GARRE1: variants seen among roughly 807,000 people sequenced by gnomAD.
GARRE1 encodes granule associated Rac and RHOG effector 1, also known as granule associated Rac and RHOG effector protein 1.
Under a neutral mutation model 103.2 loss-of-function variants are expected in GARRE1, and 49 were observed. The observed-to-expected ratio is 0.47, with a 90% CI of 0.38 to 0.60. GARRE1 has a LOEUF of 0.60. GARRE1 is among the 20% of genes least tolerant of loss of function. GARRE1 has a pLI of 0.00. For missense variants in GARRE1, 1,199 were observed against 1,370.5 expected (o/e 0.87, Z 1.98); for synonymous variants, 505 against 532.8 (o/e 0.95, Z 0.72).
intron 1 of GARRE1, among the ~76,000 whole-genome samples, chr19:34,275,839 T>C (rs2073814023): frequency 6.6e-6 from 1 of 152,242 alleles, no homozygotes; most frequent in African/African-American, 2.4e-5. Flanking sequence ...TGTATTACCC[T>C]GAGCAGTATA....
At chr19:34,326,102 C>G (rs77120092) in intron 3 of GARRE1, among the ~76,000 whole-genome samples, 2,356 of 152,352 alleles carry the variant, frequency 0.015, 63 homozygotes, top group African/African-American at 0.053. Flanking sequence ...CAGCACGTAC[C>G]TAACATACCA....
intron 12 of GARRE1, among the ~76,000 whole-genome samples, chr19:34,350,772 A>G (rs2074232465): frequency 6.6e-6 from 1 of 152,016 alleles, no homozygotes. Flanking sequence ...TAGTAGAGAC[A>G]GGGTTTCACC....
At chr19:34,333,623 T>C in intron 7 of GARRE1, 81 bp from the exon 8 acceptor site, 2 of 863,068 alleles carry the variant, frequency 2.3e-6, no homozygotes, top group East Asian at 2.4e-5. Context: ...AGAGTCATTT[T>C]ATGTATTGGA....
chr19:34,311,553 C>T (rs1329742913), intron 2 of GARRE1, among the ~76,000 whole-genome samples: 6 of 152,276 alleles, frequency 3.9e-5, no homozygotes, highest in African/African-American at 1.4e-4. Flanking sequence ...TCCATTCCAA[C>T]CCTGGTCCAT....
rs1393171310 is a variant in GARRE1, at chr19:34,328,097, C to T, written c.1050C>T (p.Phe350=). 6.2e-7 allele frequency: 1 copy of T among 1,613,994 alleles called. No homozygotes were observed. Among genetic ancestry groups the T allele is most frequent in the Non-Finnish European group, 8.5e-7 (1 of 1,180,024 alleles). Residue 350 remains phenylalanine (F), a synonymous_variant, in exon 6 of 14, where the codon TTC becomes TTT. Coordinates refer to ENST00000299505, the MANE Select transcript of GARRE1 (RefSeq NM_014686.5). ...TCCCTGTGCAGATAGGATCGCACTT[C>T]CTGAAGGGCGTCTCCTTTAATGAGT... ...PTVPVQIGSH[F]LKGVSFNESA...
At chr19:34,304,953 G>A (rs1462545582) in intron 2 of GARRE1, among the ~76,000 whole-genome samples, 2 of 151,756 alleles carry the variant, frequency 1.3e-5, no homozygotes, top group Non-Finnish European at 2.9e-5. Flanking sequence ...CACCACGCCC[G>A]GCTAATTTTT....
chr19:34,331,884 G>A (rs547295559), intron 7 of GARRE1, among the ~76,000 whole-genome samples: 3 of 151,882 alleles, frequency 2.0e-5, no homozygotes, highest in East Asian at 1.9e-4. Flanking sequence ...CCAGCTACTC[G>A]AGAGGCTTAA....
chr19:34,327,898 C>A, intron 5 of GARRE1, 32 bp downstream of exon 5: 2 of 1,612,988 alleles, frequency 1.2e-6, no homozygotes, highest in Non-Finnish European at 1.7e-6. Flanking sequence ...CTCTGGGGAC[C>A]TATGGCGCTG....
chr19:34,301,059 A>G, intron 2 of GARRE1, 91 bp downstream of exon 2: 5 of 1,327,502 alleles, frequency 3.8e-6, no homozygotes, highest in Non-Finnish European at 5.2e-6. Context: ...AAATCACTGT[A>G]ATAGTAGCCT....
intron 1 of GARRE1, among the ~76,000 whole-genome samples, chr19:34,275,971 A>G (rs1481759040): frequency 6.6e-6 from 1 of 152,152 alleles, no homozygotes; most frequent in Non-Finnish European, 1.5e-5. Flanking sequence ...CCTGATAGTT[A>G]GTGATGTTGA....
chr19:34,300,830 T>C lies in GARRE1; in HGVS notation c.357T>C (p.Asp119=), dbSNP rs146815070. 2.3e-5 allele frequency: 37 copies of C among 1,614,060 alleles called. 2 individuals carry two copies. In the African/African-American group the frequency reaches 3.5e-4, roughly 15 times the overall value. The stretch of plus-strand genomic sequence containing the variant: ...CAAAGGCAGCCACACAGCTCAAAGA[T>C]GTGCAGGAGCATGTCATGGAAGCAG... The part of the protein sequence containing the change: ...HYSKAATQLK[D]VQEHVMEAAS... The change falls in exon 2 of 14, where the codon GAT becomes GAC. Residue 119 remains aspartate, a synonymous_variant. Transcript: ENST00000299505.
Position 34,330,204 on chromosome 19 carries a change from C to T in GARRE1, c.1120C>T (p.Leu374=), listed in dbSNP as rs750787213. ...CAATCTATAGCATACAATGTTACAG[C>T]TGATGAAGGAGGCAGGCTGCTATAA... ...LKLKTHTMLQ[L]MKEAGCYNGI... is the part of the protein sequence containing the mutation. Residue 374 remains leucine (L), a synonymous_variant, in exon 7 of 14, where the codon CTG becomes TTG. Transcript: ENST00000299505. The T allele has an allele frequency of 6.2e-7, 1 of 1,613,888 alleles. No homozygotes were observed. The highest frequency in any genetic ancestry group is 1.7e-5 in the Admixed American group (1 of 60,014).
intron 1 of GARRE1, among the ~76,000 whole-genome samples, chr19:34,294,164 A>G (rs2073934180): frequency 1.3e-5 from 2 of 152,038 alleles, no homozygotes; most frequent in Non-Finnish European, 1.5e-5. Context: ...TCACACCTAT[A>G]ATCCCAACAC....
chr19:34,347,744 G>C, intron 10 of GARRE1, 133 bp from the exon 11 acceptor site: 1 of 844,462 alleles, frequency 1.2e-6, no homozygotes, highest in African/African-American at 1.7e-5. Flanking sequence ...TACAGCCCAC[G>C]CTGTGGGGCA....
In GARRE1 at chr19:34,298,113, T is replaced by C. The variant is rs943363208; in HGVS notation, c.-795-1566T>C. ...AGTAGACGAAACTATATACCACCAT[T>C]ACATAGGTTGCAGTTGAATATGTGG... is the stretch of plus-strand genomic sequence containing the variant. On this transcript the variant is annotated intron_variant, in intron 1 of 13. Transcript: ENST00000299505. Among the ~76,000 whole-genome samples the C allele has an allele frequency of 4.7e-4, 71 of 152,150 alleles. 1 individual carries two copies. The highest frequency in any genetic ancestry group is 1.7e-3 in the African/African-American group (70 of 41,430).
intron 2 of GARRE1, among the ~76,000 whole-genome samples, chr19:34,306,428 A>G (rs1343676753): frequency 6.6e-6 from 1 of 152,226 alleles, no homozygotes; most frequent in Non-Finnish European, 1.5e-5. Flanking sequence ...GGCTGTGGTT[A>G]TTGATTGACA....
chr19:34,349,131 G>A lies in GARRE1; in HGVS notation c.2803G>A (p.Val935Ile), dbSNP rs1038938085. 9 of 1,612,464 alleles carry A rather than the reference G, an allele frequency of 5.6e-6. No homozygotes were observed. In the African/African-American group the frequency reaches 6.7e-5, roughly 12 times the overall value. The change falls in exon 12 of 14, where the codon GTT becomes ATT. Residue 935 changes from valine (V) to isoleucine (I), a missense_variant. Val to Ile is a conservative substitution (Grantham distance 29). Coordinates refer to ENST00000299505, the MANE Select transcript of GARRE1 (RefSeq NM_014686.5). ...LFSMFSGPDLVAAVKQRRKHS... is the reference protein window; with the variant it reads ...LFSMFSGPDLIAAVKQRRKHS... ...CTCCATGTTTTCAGGGCCTGACCTCGTTGCTGCTGTCAAGCAGAGAAGGTA... is the reference window on the plus strand; with the variant it reads ...CTCCATGTTTTCAGGGCCTGACCTCATTGCTGCTGTCAAGCAGAGAAGGTA...
intron 1 of GARRE1, among the ~76,000 whole-genome samples, chr19:34,261,209 C>G (rs1257779051): frequency 6.6e-6 from 1 of 152,184 alleles, no homozygotes; most frequent in Non-Finnish European, 1.5e-5. Flanking sequence ...CTGCTTGGAT[C>G]AGATCCTGGT....
chr19:34,254,921 C>T (rs188925665), intron 1 of GARRE1, among the ~76,000 whole-genome samples: 2,191 of 151,162 alleles, frequency 0.014, 25 homozygotes, highest in South Asian at 0.026. Flanking sequence ...GGCGGGTCGG[C>T]GCCCGTCAGG....
Sources: allele counts gnomAD v4.1 joint callset (sites outside exome capture counted in the v4.1 genomes callset), GRCh38; gene constraint gnomAD v4.1.1; transcripts MANE v1.5; gene names NCBI Gene and HGNC (gene_info 2026-07-23, HGNC 2026-07-21).